Variants in CUBN observed in about 807,000 individuals in gnomAD.
CUBN encodes 460 kDa receptor.
In CUBN, 282 loss-of-function variants were observed where a neutral mutation model predicts 405.3. That is an observed-to-expected ratio of 0.70 (90% confidence interval 0.63 to 0.77). The LOEUF (loss-of-function observed/expected upper bound fraction) is 0.77. CUBN is among the 30% of genes least tolerant of loss of function. CUBN has a pLI of 0.00. For missense variants in CUBN, 4,514 were observed against 4,475.2 expected (o/e 1.01, Z -0.25); for synonymous variants, 1,684 against 1,617.0 (o/e 1.04, Z -0.99).
chr10:17,110,086 T>C (rs1026976919), intron 9 of CUBN, among the ~76,000 whole-genome samples: 4 of 152,210 alleles, frequency 2.6e-5, no homozygotes, highest in Non-Finnish European at 4.4e-5. Context: ...CAAAGTACTG[T>C]AGTTCCATGT....
rs189429305 is a variant in CUBN at position 16,989,783 on chromosome 10, C to T, written c.4350+551G>A. ...GCCATTTTTTTACAAAAGCGCTCTG[C>T]GGCAGATGGCCCTGGCGGCCCCTTG... On this transcript the variant is annotated intron_variant, in intron 29 of 66. Coordinates refer to ENST00000377833, the MANE Select transcript of CUBN (RefSeq NM_001081.4). Among the ~76,000 whole-genome samples, 31 of 152,302 alleles carry T rather than the reference C, an allele frequency of 2.0e-4. No homozygotes were observed. The South Asian group carries it at 5.0e-3, about 24-fold the overall frequency.
intron 23 of CUBN, among the ~76,000 whole-genome samples, chr10:17,046,666 A>G (rs1835141134): frequency 6.6e-6 from 1 of 152,206 alleles, no homozygotes. Context: ...ACTGCTGTAA[A>G]TTAAGAAAAT....
At chr10:17,128,563 T>C (rs1837252076) in intron 2 of CUBN, among the ~76,000 whole-genome samples, 1 of 152,182 alleles carries the variant, frequency 6.6e-6, no homozygotes, top group Non-Finnish European at 1.5e-5. Context: ...CTTCCTCGCA[T>C]CCCCTGTGGA....
chr10:16,973,952 G>A (rs774364702), intron 31 of CUBN, among the ~76,000 whole-genome samples: 45 of 152,094 alleles, frequency 3.0e-4, no homozygotes, highest in Non-Finnish European at 6.2e-4. Flanking sequence ...CGATGAACAC[G>A]GGCATGCATG....
Position 16,947,945 on chromosome 10 carries a change from T to C in CUBN, c.5209+533A>G, listed in dbSNP as rs1588508978. Among the ~76,000 whole-genome samples, 4 of 152,198 alleles carry C rather than the reference T, an allele frequency of 2.6e-5. No individual in the cohort carries two copies. The East Asian group carries it at 7.7e-4, about 29-fold the overall frequency. On this transcript the variant is annotated intron_variant, in intron 35 of 66. Transcript: ENST00000377833. ...AGAACACCAGGGTGAGCGAGGTGGC[T>C]CACACCTGTAATCCCACCACTTTGG...
chr10:16,863,234 G>A (rs186527288), intron 59 of CUBN, among the ~76,000 whole-genome samples: 147 of 152,302 alleles, frequency 9.7e-4, no homozygotes, highest in African/African-American at 3.4e-3. Flanking sequence ...TCCCCCAAGG[G>A]AAGTCTAATC....
rs899830108 is a variant in CUBN, at chr10:16,869,016, G to A, written c.9454+620C>T. ...GTGCTTCCAATGTATTCTGCCTTCC[G>A]TCTCTCAGATTTCTGCCCTTCCCTT... On this transcript the variant is annotated intron_variant, in intron 59 of 66. Transcript: ENST00000377833. 5.3e-5 allele frequency among the ~76,000 whole-genome samples: 8 copies of A among 152,096 alleles called. 1 individual carries two copies. The highest frequency in any genetic ancestry group is 1.4e-4 in the African/African-American group (6 of 41,488).
At chr10:17,006,484 A>G (rs1049662768) in intron 28 of CUBN, among the ~76,000 whole-genome samples, 10 of 152,186 alleles carry the variant, frequency 6.6e-5, no homozygotes, top group Admixed American at 1.3e-4. Context: ...ATCGTACTAC[A>G]TGTACTCTAA....
chr10:17,121,039 C>A (rs556428813), intron 6 of CUBN, among the ~76,000 whole-genome samples: 12 of 152,314 alleles, frequency 7.9e-5, no homozygotes, highest in African/African-American at 2.9e-4. Context: ...GACTAGACTG[C>A]ATTTTGCTTC....
At chr10:16,865,743 A>G (rs1218019629) in intron 59 of CUBN, among the ~76,000 whole-genome samples, 1 of 152,136 alleles carries the variant, frequency 6.6e-6, no homozygotes, top group Admixed American at 6.5e-5. Context: ...GGAGGGGGCA[A>G]TAAGGGAATA....
intron 40 of CUBN, 70 bp from the exon 41 acceptor site, chr10:16,928,373 A>G: frequency 6.5e-7 from 1 of 1,532,096 alleles, no homozygotes; most frequent in Non-Finnish European, 9.0e-7. Context: ...TTTGCAGCTT[A>G]GCCAAAGCAG....
chr10:17,044,080 TTTA>T, intron 25 of CUBN, 97 bp from the exon 26 acceptor site: 1 of 537,336 alleles, frequency 1.9e-6, no homozygotes, highest in Non-Finnish European at 3.1e-6. Flanking sequence ...AATATATATA[TTTA>T]TTATGTATAT....
At chr10:16,993,015 T>A (rs113351275) in intron 28 of CUBN, among the ~76,000 whole-genome samples, 3,002 of 152,348 alleles carry the variant, frequency 0.02, 36 homozygotes, top group Non-Finnish European at 0.032. Flanking sequence ...TCACAGGACA[T>A]TCTATAACAG....
chr10:16,847,892 T>TA (rs35421691), intron 60 of CUBN, among the ~76,000 whole-genome samples: 3 of 151,730 alleles, frequency 2.0e-5, no homozygotes, highest in African/African-American at 4.8e-5. Context: ...TTATAATCTC[T>TA]AAAAAAAAAT....
chr10:17,023,696 C>T, intron 27 of CUBN: 2 of 449,880 alleles, frequency 4.4e-6, no homozygotes, highest in Admixed American at 4.8e-5. Context: ...AAGATCTACT[C>T]AGAGTGAACA....
chr10:17,018,382 T>C (rs1211795180), intron 28 of CUBN, among the ~76,000 whole-genome samples: 1 of 151,962 alleles, frequency 6.6e-6, no homozygotes, highest in Non-Finnish European at 1.5e-5. Context: ...GTGGTGAGTG[T>C]TATAGTTCTT....
chr10:17,077,169 C>T (rs1275205510), intron 17 of CUBN, among the ~76,000 whole-genome samples: 4 of 152,162 alleles, frequency 2.6e-5, no homozygotes, highest in South Asian at 2.1e-4. Flanking sequence ...GTTCAGATTT[C>T]TTGTGGATTG....
At chr10:16,850,042 C>T (rs1036440212) in intron 60 of CUBN, among the ~76,000 whole-genome samples, 5 of 152,218 alleles carry the variant, frequency 3.3e-5, no homozygotes, top group African/African-American at 9.7e-5. Flanking sequence ...AGAACATGCA[C>T]GTATCAATTC....
intron 48 of CUBN, among the ~76,000 whole-genome samples, chr10:16,908,944 G>A (rs947144813): frequency 2.7e-5 from 4 of 147,782 alleles, no homozygotes; most frequent in African/African-American, 7.5e-5. Context: ...CTGCAGTGGC[G>A]CAATCTCGGC....
Sources: gnomAD v4.1 joint callset for allele counts (sites outside exome capture counted in the v4.1 genomes callset) on GRCh38, gnomAD v4.1.1 for gene constraint, MANE v1.5 for transcripts, NCBI Gene and HGNC (gene_info 2026-07-23, HGNC 2026-07-21) for gene names.